SGCD: variants seen among roughly 807,000 people sequenced by gnomAD.
SGCD encodes delta-sarcoglycan.
In SGCD, 18 loss-of-function variants were observed where a neutral mutation model predicts 36.6. That is an observed-to-expected ratio of 0.49 (90% CI 0.34 to 0.73). SGCD has a LOEUF of 0.73. SGCD is among the 30% of genes least tolerant of loss of function. The pLI is 0.01. For missense variants in SGCD, 387 were observed against 346.7 expected, an observed-to-expected ratio of 1.12 and a Z score of -0.92; for synonymous variants, 133 against 130.6, an observed-to-expected ratio of 1.02 and a Z score of -0.12.
At chr5:156,222,828 C>T (rs1028655163) in intron 3 of SGCD, among the ~76,000 whole-genome samples, 1 of 151,960 alleles carries the variant, frequency 6.6e-6, no homozygotes, top group Non-Finnish European at 1.5e-5. Flanking sequence ...AACTACTGGG[C>T]CTGTCTACTT....
chr5:156,522,402 C>A lies in SGCD; in HGVS notation c.294+13700C>A, dbSNP rs138179710. Reference sequence around the variant, plus strand: ...ATATACACCATGAAGTACTATGCAGCCTTAAAAAGGAATGAAATCATGCCC... The same window carrying A: ...ATATACACCATGAAGTACTATGCAGACTTAAAAAGGAATGAAATCATGCCC... On this transcript the variant is annotated intron_variant, in intron 4 of 8. Coordinates refer to ENST00000337851, the MANE Select transcript of SGCD (RefSeq NM_000337.6). 4.5e-3 allele frequency among the ~76,000 whole-genome samples: 688 copies of A among 152,114 alleles called. 5 individuals carry two copies. Among genetic ancestry groups the A allele is most frequent in the African/African-American group, 0.014 (573 of 41,512 alleles).
chr5:156,390,114 G>A (rs1474052243), intron 3 of SGCD, among the ~76,000 whole-genome samples: 1 of 152,042 alleles, frequency 6.6e-6, no homozygotes, highest in African/African-American at 2.4e-5. Context: ...ATACAATTAT[G>A]TATGGTACAT....
chr5:156,021,299 C>A (rs75485846), intron 1 of SGCD, among the ~76,000 whole-genome samples: 2,597 of 152,186 alleles, frequency 0.017, 76 homozygotes, highest in African/African-American at 0.059. Context: ...TATTGTATGA[C>A]AGGTGCTGTG....
At chr5:156,634,908 T>C (rs1259412957) in intron 6 of SGCD, among the ~76,000 whole-genome samples, 1 of 152,160 alleles carries the variant, frequency 6.6e-6, no homozygotes, top group Non-Finnish European at 1.5e-5. Context: ...AGATGGGTTA[T>C]GTCAGATTGT....
intron 1 of SGCD, among the ~76,000 whole-genome samples, chr5:155,940,913 A>G (rs4704876): frequency 0.24 from 36,432 of 151,966 alleles, 4,964 homozygotes; most frequent in Admixed American, 0.42. Context: ...AATTGTTATT[A>G]TCCTGATCAT....
At chr5:156,643,025 T>G (rs369160978) in intron 6 of SGCD, among the ~76,000 whole-genome samples, 30 of 90,972 alleles carry the variant, frequency 3.3e-4, no homozygotes, top group African/African-American at 1.0e-3. Flanking sequence ...GGGTTTTTTG[T>G]TTTTTTTTTT....
intron 1 of SGCD, among the ~76,000 whole-genome samples, chr5:156,033,811 C>CCTG (rs1283937450): frequency 2.0e-5 from 3 of 152,060 alleles, no homozygotes; most frequent in African/African-American, 7.2e-5. Flanking sequence ...GACCAAAGAC[C>CCTG]CTGCCATCAT....
intron 1 of SGCD, among the ~76,000 whole-genome samples, chr5:155,977,821 C>T (rs985003971): frequency 3.9e-5 from 6 of 152,096 alleles, no homozygotes; most frequent in Admixed American, 2.0e-4. Context: ...ATGGGCCGGG[C>T]GCAGTGGCTC....
chr5:155,895,664 T>C (rs1224949116), intron 1 of SGCD, among the ~76,000 whole-genome samples: 1 of 148,368 alleles, frequency 6.7e-6, no homozygotes, highest in Non-Finnish European at 1.5e-5. Flanking sequence ...GTATAATGAC[T>C]GTATGATTTC....
intron 3 of SGCD, among the ~76,000 whole-genome samples, chr5:156,361,035 ATACTG>A (rs1015345197): frequency 4.6e-5 from 7 of 152,204 alleles, no homozygotes; most frequent in Admixed American, 6.5e-5. Flanking sequence ...AACTAAGAGA[ATACTG>A]TAATGCTGTA....
chr5:156,448,065 G>C (rs1753824122), intron 3 of SGCD, among the ~76,000 whole-genome samples: 1 of 152,088 alleles, frequency 6.6e-6, no homozygotes. Context: ...CTGTACTTTT[G>C]ACTTTCACTG....
rs1236538830 is a variant in SGCD, at chr5:156,002,631, C to T, written c.-281-115247C>T. 2.6e-5 allele frequency among the ~76,000 whole-genome samples: 4 copies of T among 152,222 alleles called. No homozygotes were observed. In the East Asian group the frequency reaches 7.7e-4, roughly 29 times the overall value. On this transcript the variant is annotated intron_variant, in intron 1 of 9. Coordinates refer to the SGCD transcript ENST00000517913. The stretch of plus-strand genomic sequence containing the variant: ...CCCTGCTTCACTGTGACTCCTCTAT[C>T]CAACACATGGTATGCCTTCTGTGTT...
intron 4 of SGCD, among the ~76,000 whole-genome samples, chr5:156,573,978 C>A (rs1285367254): frequency 6.6e-6 from 1 of 152,184 alleles, no homozygotes; most frequent in African/African-American, 2.4e-5. Flanking sequence ...CAGACATGAG[C>A]CACTGCACCC....
chr5:156,586,311 G>A (rs1404785756), intron 4 of SGCD, among the ~76,000 whole-genome samples: 3 of 152,144 alleles, frequency 2.0e-5, no homozygotes, highest in Admixed American at 1.3e-4. Flanking sequence ...AGACCACAGA[G>A]GCAAAGTGCC....
At chr5:156,217,532 G>A (rs906006357) in intron 3 of SGCD, among the ~76,000 whole-genome samples, 2 of 152,098 alleles carry the variant, frequency 1.3e-5, no homozygotes, top group Admixed American at 1.3e-4. Context: ...CATTGCAACA[G>A]AATTTAGTGT....
chr5:155,751,713 T>A, the SGCD span, among the ~76,000 whole-genome samples: 311 of 142,386 alleles, frequency 2.2e-3, 1 homozygote, highest in Middle Eastern at 0.017. Flanking sequence ...TTTTTTTTTA[T>A]AAAAAAAAAA....
the SGCD span, among the ~76,000 whole-genome samples, chr5:155,794,269 A>G: frequency 3.3e-5 from 5 of 152,192 alleles, no homozygotes; most frequent in Admixed American, 2.0e-4. Flanking sequence ...ATATTCTGGA[A>G]CGTCTATAAT....
intron 1 of SGCD, among the ~76,000 whole-genome samples, chr5:156,086,003 C>T (rs1761082834): frequency 6.6e-6 from 1 of 152,094 alleles, no homozygotes; most frequent in Non-Finnish European, 1.5e-5. Context: ...AAAAGGATTC[C>T]ACCTTTACTT....
At chr5:156,430,729 G>A (rs1176353893) in intron 3 of SGCD, among the ~76,000 whole-genome samples, 3 of 151,884 alleles carry the variant, frequency 2.0e-5, no homozygotes, top group Non-Finnish European at 2.9e-5. Flanking sequence ...TTGATTTGTG[G>A]TGCCTTTAGG....
Sources: gnomAD v4.1 joint callset for allele counts (sites outside exome capture counted in the v4.1 genomes callset) on GRCh38, gnomAD v4.1.1 for gene constraint, MANE v1.5 for transcripts, NCBI Gene and HGNC (gene_info 2026-07-23, HGNC 2026-07-21) for gene names.